The following ADARB2 variants were observed in gnomAD, a reference collection of about 807,000 sequenced individuals.
The protein encoded by ADARB2 is inactive double-stranded RNA-specific editase B2.
ADARB2 carries 25 observed loss-of-function variants against 62.2 expected under a neutral mutation model. The ratio of observed to expected loss-of-function variants is 0.40; its 90% CI spans 0.29 to 0.56. ADARB2 has a LOEUF of 0.56. Among genes scored for constraint, ADARB2 ranks in the 20% least tolerant of loss-of-function variants. ADARB2 has a pLI of 0.43. For missense variants in ADARB2, 1,071 were observed against 1,077.4 expected, an observed-to-expected ratio of 0.99 and a Z score of 0.08; for synonymous variants, 572 against 500.8, an observed-to-expected ratio of 1.14 and a Z score of -1.90.
chr10:1,574,806 G>A (rs1259725983), intron 1 of ADARB2, among the ~76,000 whole-genome samples: 3 of 152,134 alleles, frequency 2.0e-5, no homozygotes, highest in Admixed American at 2.0e-4. Context: ...CTGTGAATTC[G>A]GGGGACACAT....
At chr10:1,412,060 G>C (rs560087458) in intron 1 of ADARB2, among the ~76,000 whole-genome samples, 258 of 152,316 alleles carry the variant, frequency 1.7e-3, no homozygotes, top group African/African-American at 5.9e-3. Flanking sequence ...TGAGGAGAGT[G>C]CTTGTCTTCC....
intron 1 of ADARB2, among the ~76,000 whole-genome samples, chr10:1,669,411 G>A (rs950902836): frequency 6.6e-6 from 1 of 151,998 alleles, no homozygotes; most frequent in African/African-American, 2.4e-5. Context: ...AACACATAGA[G>A]ACACACACAG....
intron 1 of ADARB2, among the ~76,000 whole-genome samples, chr10:1,650,812 T>A (rs1834100562): frequency 6.6e-6 from 1 of 152,144 alleles, no homozygotes; most frequent in African/African-American, 2.4e-5. Context: ...AGTGGGACAT[T>A]TGCCCCTAGC....
At chr10:1,476,963 GACA>G (rs1831409129) in intron 1 of ADARB2, among the ~76,000 whole-genome samples, 1 of 152,066 alleles carries the variant, frequency 6.6e-6, no homozygotes, top group African/African-American at 2.4e-5. Context: ...AACAATCAGA[GACA>G]CAAGTGCTGG....
At chr10:1,199,219 C>CCG (rs1554742821) in intron 8 of ADARB2, among the ~76,000 whole-genome samples, 1 of 148,396 alleles carries the variant, frequency 6.7e-6, no homozygotes, top group Non-Finnish European at 1.5e-5. Flanking sequence ...AACCCACCCC[C>CCG]CCGCTTCCCG....
At chr10:1,444,444 A>G (rs898963257) in intron 1 of ADARB2, among the ~76,000 whole-genome samples, 1 of 149,910 alleles carries the variant, frequency 6.7e-6, no homozygotes, top group Non-Finnish European at 1.5e-5. Flanking sequence ...CCATCCATCC[A>G]TTGATCATCC....
At chr10:1,495,312 T>C (rs148382207) in intron 1 of ADARB2, among the ~76,000 whole-genome samples, 1 of 152,334 alleles carries the variant, frequency 6.6e-6, no homozygotes, top group Non-Finnish European at 1.5e-5. Context: ...ATCAAATACA[T>C]GCAAGGTATA....
chr10:1,594,821 T>A (rs1341094087), intron 1 of ADARB2, among the ~76,000 whole-genome samples: 1 of 152,168 alleles, frequency 6.6e-6, no homozygotes, highest in Non-Finnish European at 1.5e-5. Flanking sequence ...AATTGCACAA[T>A]CCGGGCTCCC....
intron 1 of ADARB2, among the ~76,000 whole-genome samples, chr10:1,502,488 C>T (rs994854148): frequency 3.3e-5 from 5 of 152,368 alleles, no homozygotes; most frequent in African/African-American, 1.2e-4. Context: ...GGTTTTGGGT[C>T]ACCCCTCCCA....
intron 3 of ADARB2, among the ~76,000 whole-genome samples, chr10:1,273,602 C>A (rs1230977385): frequency 6.6e-6 from 1 of 152,204 alleles, no homozygotes; most frequent in East Asian, 1.9e-4. Flanking sequence ...CCCGCCTGTG[C>A]CCCCCACGAC....
At chr10:1,552,451 C>T (rs1213469638) in intron 1 of ADARB2, among the ~76,000 whole-genome samples, 2 of 152,218 alleles carry the variant, frequency 1.3e-5, no homozygotes, top group African/African-American at 4.8e-5. Context: ...CCGGAGGGAG[C>T]AGGATCTGTG....
rs189508884 is a variant in ADARB2, at chr10:1,647,339, G to A, written c.100+89712C>T. Among the ~76,000 whole-genome samples the A allele has an allele frequency of 1.2e-3, 181 of 152,342 alleles. 2 individuals carry two copies. The highest frequency in any genetic ancestry group is 4.0e-3 in the African/African-American group (168 of 41,574). On this transcript the variant is annotated intron_variant, in intron 1 of 9. Transcript: ENST00000381312. Reference sequence around the variant, plus strand: ...AAAAAAAGTGTGTGTGCATATATGTGTGCATGTATATATGTGTGTGTGCAC... The same window carrying A: ...AAAAAAAGTGTGTGTGCATATATGTATGCATGTATATATGTGTGTGTGCAC...
chr10:1,259,029 C>A (rs1273832450), intron 4 of ADARB2, among the ~76,000 whole-genome samples: 1 of 152,234 alleles, frequency 6.6e-6, no homozygotes, highest in Non-Finnish European at 1.5e-5. Flanking sequence ...GGAAACTGAA[C>A]AACCTGCTCC....
chr10:1,631,323 G>T (rs1469715455), intron 1 of ADARB2, among the ~76,000 whole-genome samples: 1 of 152,004 alleles, frequency 6.6e-6, no homozygotes. Flanking sequence ...GCTGGACGCG[G>T]CAGGGAACAG....
intron 1 of ADARB2, among the ~76,000 whole-genome samples, chr10:1,718,137 T>G (rs1402051345): frequency 6.6e-6 from 1 of 152,128 alleles, no homozygotes; most frequent in Non-Finnish European, 1.5e-5. Flanking sequence ...AGTCGCTGTT[T>G]CCATCATGCT....
Position 1,270,841 on chromosome 10 carries a change from C to T in ADARB2, c.1192+114G>A, listed in dbSNP as rs1240290872. On this transcript the variant is annotated intron_variant, in intron 4 of 9. Transcript: ENST00000381312. ...GTATATGCTATAATATTTTGTCTTT[C>T]TTTGTCACAGCCTGTTGTGGAAGAG... 8.9e-6 allele frequency: 8 copies of T among 898,850 alleles called. No individual in the cohort carries two copies. In the East Asian group the frequency reaches 1.1e-4, roughly 12 times the overall value. 55.7% of individuals were successfully genotyped at this position (898,850 alleles called of 1,614,324 possible). A position where few individuals can be genotyped will look rare whatever the true frequency, so the allele number is the denominator to read the frequency against.
intron 4 of ADARB2, among the ~76,000 whole-genome samples, chr10:1,243,953 C>T (rs1230401454): frequency 6.6e-6 from 1 of 152,220 alleles, no homozygotes; most frequent in Admixed American, 6.5e-5. Flanking sequence ...CAGACTTCCC[C>T]ACGCCGCTTT....
chr10:1,383,538 G>A (rs1369098118), intron 1 of ADARB2, among the ~76,000 whole-genome samples: 3 of 151,958 alleles, frequency 2.0e-5, no homozygotes, highest in Non-Finnish European at 2.9e-5. Flanking sequence ...TGAATTCATC[G>A]CCTTCCCCAG....
At chr10:1,540,745 A>G (rs1329138243) in intron 1 of ADARB2, among the ~76,000 whole-genome samples, 5 of 68,324 alleles carry the variant, frequency 7.3e-5, no homozygotes, top group African/African-American at 1.8e-4. Flanking sequence ...GACGTAGTTC[A>G]GACCCTGGAT....
Sources: allele counts gnomAD v4.1 joint callset (sites outside exome capture counted in the v4.1 genomes callset), GRCh38; gene constraint gnomAD v4.1.1; transcripts MANE v1.5; gene names NCBI Gene and HGNC (gene_info 2026-07-23, HGNC 2026-07-21).